The following GLIPR1L1 variants were observed in gnomAD, a reference collection of about 807,000 sequenced individuals.
GLIPR1L1 encodes the protein GLIPR1 like 1.
In GLIPR1L1, 26 loss-of-function variants were observed where a neutral mutation model predicts 29.9. The ratio of observed to expected loss-of-function variants is 0.87; its 90% CI spans 0.64 to 1.21. The LOEUF (loss-of-function observed/expected upper bound fraction) is 1.21. GLIPR1L1 is among the 50% of genes most tolerant of loss of function. The probability of loss-of-function intolerance (pLI) is 0.00; values close to 1 mark genes in which losing one functional copy is unlikely to be tolerated. For missense variants in GLIPR1L1, 305 were observed against 290.3 expected, an observed-to-expected ratio of 1.05 and a Z score of -0.37; for synonymous variants, 77 against 97.5, an observed-to-expected ratio of 0.79 and a Z score of 1.24.
rs530360768 is a variant in GLIPR1L1, at chr12:75,368,611, TTTTG to T, written c.611-1348_611-1345del. On this transcript the variant is annotated intron_variant, in intron 4 of 5. Transcript: ENST00000378695. ...TTGTTAACTTTTTTTATTTACAAAT[TTTTG>T]CATTTATTTTTAGAATTGTGCTTGG... Among the ~76,000 whole-genome samples the T allele has an allele frequency of 5.9e-5, 9 of 151,946 alleles. No homozygotes were observed. In the East Asian group the frequency reaches 1.5e-3, roughly 26 times the overall value.
chr12:75,360,400 C>T, intron 3 of GLIPR1L1: 1 of 152,164 alleles, frequency 6.6e-6, no homozygotes, highest in East Asian at 1.9e-4. Context: ...CAAGTTAGTT[C>T]CTTCCTAGAT....
chr12:75,363,815 G>A (rs949960897), intron 4 of GLIPR1L1, among the ~76,000 whole-genome samples: 3 of 152,104 alleles, frequency 2.0e-5, no homozygotes, highest in Non-Finnish European at 4.4e-5. Context: ...AAGGTGGTCA[G>A]CCTACAACTT....
At chr12:75,336,902 T>G (rs538532704) in intron 1 of GLIPR1L1, among the ~76,000 whole-genome samples, 1 of 151,876 alleles carries the variant, frequency 6.6e-6, no homozygotes, top group African/African-American at 2.4e-5. Flanking sequence ...ATTAACAGTA[T>G]TTGAAATTTT....
intron 1 of GLIPR1L1, among the ~76,000 whole-genome samples, chr12:75,337,599 CACT>C (rs1309137575): frequency 6.6e-6 from 1 of 151,896 alleles, no homozygotes; most frequent in Admixed American, 6.5e-5. Context: ...GCATAAAATG[CACT>C]AGTTTTAATG....
rs750363096 is a variant in GLIPR1L1, at chr12:75,334,895, A to AATAC, written c.170_173dup (p.Met58IlefsTer6). The AATAC allele has an allele frequency of 4.1e-5, 66 of 1,613,538 alleles. No individual in the cohort carries two copies. Among genetic ancestry groups the AATAC allele is most frequent in the Non-Finnish European group, 5.3e-5 (63 of 1,179,704 alleles). The stretch of plus-strand genomic sequence containing the variant: ...GTCAACCCTCCCGCGGCCGACATGA[A>AATAC]ATACATGGTGAGAAAGAACCAGGGC... On this transcript the variant is annotated frameshift_variant, in exon 1 of 6. Coordinates refer to ENST00000378695, the MANE Select transcript of GLIPR1L1 (RefSeq NM_001304964.2). LOFTEE classifies it high-confidence loss of function.
chr12:75,335,242 C>T (rs894296005), intron 1 of GLIPR1L1, among the ~76,000 whole-genome samples: 11 of 152,006 alleles, frequency 7.2e-5, no homozygotes, highest in African/African-American at 2.4e-4. Context: ...TTCCACCCCC[C>T]ACAACCAAGA....
chr12:75,346,851 T>C (rs1466978460), intron 2 of GLIPR1L1, among the ~76,000 whole-genome samples: 1 of 152,172 alleles, frequency 6.6e-6, no homozygotes, highest in Non-Finnish European at 1.5e-5. Context: ...ATCAGAAATT[T>C]GTGTTGTTAA....
intron 3 of GLIPR1L1, among the ~76,000 whole-genome samples, chr12:75,362,389 T>C (rs759459145): frequency 6.6e-6 from 1 of 152,198 alleles, no homozygotes; most frequent in Non-Finnish European, 1.5e-5. Context: ...GGTATTCTCA[T>C]GCACTGTTAG....
chr12:75,356,348 G>A (rs975030220), intron 3 of GLIPR1L1, among the ~76,000 whole-genome samples: 1 of 151,954 alleles, frequency 6.6e-6, no homozygotes, highest in Non-Finnish European at 1.5e-5. Flanking sequence ...AAATATATAA[G>A]ATGTTTTCTT....
chr12:75,336,008 G>C (rs899454454), intron 1 of GLIPR1L1, among the ~76,000 whole-genome samples: 11 of 151,856 alleles, frequency 7.2e-5, no homozygotes, highest in African/African-American at 2.4e-4. Context: ...AGCAAAATAT[G>C]ATAACAATGA....
At chr12:75,347,103 A>G (rs7298343) in intron 2 of GLIPR1L1, among the ~76,000 whole-genome samples, 55,955 of 151,086 alleles carry the variant, frequency 0.37, 10,894 homozygotes, top group East Asian at 0.5. Flanking sequence ...CCATCCTTAC[A>G]GCAGGCATCT....
At chr12:75,359,945 A>C (rs538471142) in intron 3 of GLIPR1L1, 1 of 152,286 alleles carries the variant, frequency 6.6e-6, no homozygotes, top group East Asian at 1.9e-4. Context: ...GGCCTCAGAA[A>C]CTTACAATGA....
intron 3 of GLIPR1L1, 43 bp downstream of exon 3, chr12:75,347,765 T>C: frequency 7.7e-7 from 1 of 1,307,146 alleles, no homozygotes; most frequent in Non-Finnish European, 1.1e-6. Context: ...GAAATTAATG[T>C]TGATGATGGT....
rs776740907 is a variant in GLIPR1L1 at position 75,363,193 on chromosome 12, A to T, written c.610+3A>T. On this transcript the variant is annotated splice_donor_region_variant and intron_variant, in intron 4 of 5. Coordinates refer to ENST00000378695, the MANE Select transcript of GLIPR1L1 (RefSeq NM_001304964.2). ...GAAATGTGTAAAGAACCTCTGCAGT[A>T]AGCAAAAATATATATATATAATTAC... 7.5e-7 allele frequency: 1 copy of T among 1,339,534 alleles called. No individual in the cohort carries two copies. Among genetic ancestry groups the T allele is most frequent in the Admixed American group, 2.7e-5 (1 of 37,322 alleles). 83.0% of individuals were successfully genotyped at this position (1,339,534 alleles called of 1,614,324 possible).
chr12:75,351,549 T>C (rs932009663), intron 3 of GLIPR1L1, among the ~76,000 whole-genome samples: 3 of 135,810 alleles, frequency 2.2e-5, no homozygotes, highest in South Asian at 4.2e-4. Flanking sequence ...TGTTTTGTTT[T>C]GTTTTTTTTT....
intron 3 of GLIPR1L1, among the ~76,000 whole-genome samples, chr12:75,353,669 A>G (rs2042960367): frequency 6.6e-6 from 1 of 152,186 alleles, no homozygotes; most frequent in Admixed American, 6.5e-5. Context: ...CCTGATACCA[A>G]AACCTGGCAA....
At chr12:75,340,274 G>C (rs866625795) in intron 1 of GLIPR1L1, among the ~76,000 whole-genome samples, 1 of 151,706 alleles carries the variant, frequency 6.6e-6, no homozygotes, top group Non-Finnish European at 1.5e-5. Context: ...GTGTGTGCTA[G>C]TGTCTTTTTC....
chr12:75,359,689 C>A (rs922682301), intron 3 of GLIPR1L1, among the ~76,000 whole-genome samples: 1 of 151,860 alleles, frequency 6.6e-6, no homozygotes, highest in African/African-American at 2.4e-5. Context: ...ACATTGTTGA[C>A]CACATTATTT....
chr12:75,367,072 A>G lies in GLIPR1L1; in HGVS notation c.611-2888A>G, dbSNP rs1357819724. ...TTAAGTTTCTCACAAAAATGCACAG[A>G]CAAGCCAACTGAGATTAATTTGGGG... On this transcript the variant is annotated intron_variant, in intron 4 of 5. Transcript: ENST00000378695. 4 of 698,738 alleles carry G rather than the reference A, an allele frequency of 5.7e-6. No individual in the cohort carries two copies. In the East Asian group the frequency reaches 8.1e-5, roughly 14 times the overall value. 43.3% of individuals were successfully genotyped at this position (698,738 alleles called of 1,614,324 possible). A position where few individuals can be genotyped will look rare whatever the true frequency, so the allele number is the denominator to read the frequency against.
Sources: allele counts gnomAD v4.1 joint callset (sites outside exome capture counted in the v4.1 genomes callset), GRCh38; gene constraint gnomAD v4.1.1; transcripts MANE v1.5; gene names NCBI Gene and HGNC (gene_info 2026-07-23, HGNC 2026-07-21).